The following ZNF407 variants were observed in gnomAD, a reference collection of about 807,000 sequenced individuals.
The protein encoded by ZNF407 is zinc finger protein 407.
ZNF407 carries 17 observed loss-of-function variants against 131.2 expected under a neutral mutation model. The ratio of observed to expected loss-of-function variants is 0.13; its 90% CI spans 0.09 to 0.19. The LOEUF is 0.19. Ranked by LOEUF, ZNF407 falls within the 10% of genes least tolerant of loss-of-function variation. ZNF407 has a pLI of 1.00. For missense variants in ZNF407, 2,681 were observed against 2,830.6 expected (o/e 0.95, Z 1.20); for synonymous variants, 1,156 against 1,062.0 (o/e 1.09, Z -1.72).
At chr18:75,031,641 C>T (rs1452538054) in intron 8 of ZNF407, among the ~76,000 whole-genome samples, 4 of 152,160 alleles carry the variant, frequency 2.6e-5, no homozygotes, top group East Asian at 3.9e-4. Flanking sequence ...TATCAAGAAA[C>T]GAGTATTTAT....
Position 74,680,821 on chromosome 18 carries a change from C to T in ZNF407, c.4802+39699C>T, listed in dbSNP as rs147591025. On this transcript the variant is annotated intron_variant, in intron 3 of 8. Transcript: ENST00000299687. ...TTGAAATTTAATAATCTTAAATATACGAAAGTAAAAATATTAGTTTATACT... is the reference window on the plus strand; with the variant it reads ...TTGAAATTTAATAATCTTAAATATATGAAAGTAAAAATATTAGTTTATACT... Among the ~76,000 whole-genome samples the T allele has an allele frequency of 2.5e-3, 378 of 151,998 alleles. 19 individuals carry two copies. In the East Asian group the frequency reaches 0.066, roughly 27 times the overall value.
In ZNF407 at chr18:74,735,236, T is replaced by A. The variant is rs1285923656; in HGVS notation, c.4803-46192T>A. 2.0e-5 allele frequency among the ~76,000 whole-genome samples: 3 copies of A among 152,216 alleles called. No individual in the cohort carries two copies. In the East Asian group the frequency reaches 5.8e-4, roughly 29 times the overall value. On this transcript the variant is annotated intron_variant, in intron 3 of 8. Transcript: ENST00000299687. ...ATGCCCTTCTTTTAAATGCTAAGGT[T>A]TTATGCTGTGTGATATTTGTAGAAT...
chr18:74,916,498 GTGCA>G (rs1971766820), intron 7 of ZNF407, among the ~76,000 whole-genome samples: 2 of 128,522 alleles, frequency 1.6e-5, no homozygotes, highest in Non-Finnish European at 3.2e-5. Context: ...GTGTGTGTGC[GTGCA>G]TGTGTGTGCT....
At chr18:74,804,364 T>C in intron 4 of ZNF407, 1 of 1,041,754 alleles carries the variant, frequency 9.6e-7, no homozygotes, top group African/African-American at 1.7e-5. Flanking sequence ...AATCAAAGTT[T>C]TTGTAAGCAT....
At chr18:74,943,335 A>C (rs993386906) in intron 8 of ZNF407, among the ~76,000 whole-genome samples, 13 of 152,214 alleles carry the variant, frequency 8.5e-5, no homozygotes, top group South Asian at 2.1e-4. Context: ...AGCACATTGC[A>C]GTTCTCTTTC....
chr18:74,854,714 CACAG>C (rs766734354), intron 4 of ZNF407, among the ~76,000 whole-genome samples: 4 of 152,018 alleles, frequency 2.6e-5, no homozygotes, highest in Non-Finnish European at 5.9e-5. Context: ...CAATGCACTA[CACAG>C]ACACACACAC....
At chr18:75,020,152 T>C (rs1178317566) in intron 8 of ZNF407, among the ~76,000 whole-genome samples, 1 of 152,188 alleles carries the variant, frequency 6.6e-6, no homozygotes, top group Non-Finnish European at 1.5e-5. Flanking sequence ...GTAATAATTG[T>C]TCTATTTTAT....
intron 4 of ZNF407, among the ~76,000 whole-genome samples, chr18:74,810,708 C>G: frequency 6.6e-6 from 1 of 152,112 alleles, no homozygotes; most frequent in Non-Finnish European, 1.5e-5. Context: ...ATATCTACAA[C>G]TATCTGATCT....
rs532367810 is a variant in ZNF407, at chr18:74,844,173, T to TC, written c.4878-33021dup. Among the ~76,000 whole-genome samples, 4 of 152,218 alleles carry TC rather than the reference T, an allele frequency of 2.6e-5. No homozygotes were observed. In the South Asian group the frequency reaches 6.3e-4, roughly 24 times the overall value. On this transcript the variant is annotated intron_variant, in intron 4 of 8. Transcript: ENST00000299687. ...TTGCTGACACCATCCTGAGTCTTTT[T>TC]CCCTCCTTGGCTGAGCCGTGCTTTT...
intron 8 of ZNF407, among the ~76,000 whole-genome samples, chr18:74,933,038 T>G (rs1215744271): frequency 6.6e-6 from 1 of 152,202 alleles, no homozygotes; most frequent in Admixed American, 6.5e-5. Flanking sequence ...AGTTCCACTT[T>G]GGGATAGATA....
chr18:74,645,502 T>G (rs1469444125), intron 3 of ZNF407, among the ~76,000 whole-genome samples: 1 of 152,136 alleles, frequency 6.6e-6, no homozygotes, highest in Non-Finnish European at 1.5e-5. Context: ...AAGGGCATTT[T>G]CTAAATCTGT....
chr18:74,765,845 A>G (rs1218403688), intron 3 of ZNF407, among the ~76,000 whole-genome samples: 2 of 151,406 alleles, frequency 1.3e-5, no homozygotes, highest in African/African-American at 4.9e-5. Context: ...GTCTTTCTTT[A>G]CCTGATGTGC....
chr18:74,768,323 G>A (rs1228658848), intron 3 of ZNF407, among the ~76,000 whole-genome samples: 3 of 152,158 alleles, frequency 2.0e-5, no homozygotes, highest in African/African-American at 4.8e-5. Context: ...ATTGGAAACA[G>A]GTGTTGGTTT....
intron 1 of ZNF407, among the ~76,000 whole-genome samples, chr18:74,627,808 C>G (rs1356143310): frequency 7.3e-6 from 1 of 137,676 alleles, no homozygotes; most frequent in Non-Finnish European, 1.6e-5. Flanking sequence ...CTCTCTTTCT[C>G]TCTTTCTGCC....
Position 75,048,152 on chromosome 18 carries a change from C to T in ZNF407, c.5429-14998C>T, listed in dbSNP as rs1395179251. Among the ~76,000 whole-genome samples the T allele has an allele frequency of 6.6e-6, 1 of 152,222 alleles. No individual in the cohort carries two copies. The highest frequency in any genetic ancestry group is 1.5e-5 in the Non-Finnish European group (1 of 68,036). On this transcript the variant is annotated intron_variant, in intron 8 of 8. Transcript: ENST00000299687. This position sits in a 1 kb window ranked among gnomAD's most constrained non-coding sequence, Gnocchi z 4.1. ...GATCCTAATGCAGCTGAAGCTGACA[C>T]CTGTCAGCAGCACCAGGCCTGTGCC... is the stretch of plus-strand genomic sequence containing the variant.
At chr18:74,852,504 A>G (rs1275172913) in intron 4 of ZNF407, among the ~76,000 whole-genome samples, 4 of 152,054 alleles carry the variant, frequency 2.6e-5, no homozygotes, top group African/African-American at 9.7e-5. Context: ...ATTATTAAAT[A>G]TAGTAGCATT....
intron 3 of ZNF407, among the ~76,000 whole-genome samples, chr18:74,746,597 C>T (rs1044634471): frequency 6.6e-6 from 1 of 151,778 alleles, no homozygotes; most frequent in African/African-American, 2.4e-5. Flanking sequence ...AAAACTGTGA[C>T]ACAAACACAT....
chr18:74,729,978 T>C (rs1968256627), intron 3 of ZNF407, among the ~76,000 whole-genome samples: 3 of 152,174 alleles, frequency 2.0e-5, no homozygotes, highest in African/African-American at 7.2e-5. Flanking sequence ...ACTTTTTAGA[T>C]AGTTAATTGT....
intron 8 of ZNF407, among the ~76,000 whole-genome samples, chr18:74,925,100 T>G (rs1002304590): frequency 6.6e-6 from 1 of 152,208 alleles, no homozygotes; most frequent in Non-Finnish European, 1.5e-5. Flanking sequence ...TGTAATGATA[T>G]GGTATTTTTC....
Sources: allele counts gnomAD v4.1 joint callset (sites outside exome capture counted in the v4.1 genomes callset), GRCh38; gene constraint gnomAD v4.1.1; non-coding constraint Gnocchi (gnomAD v3.1); transcripts MANE v1.5; gene names NCBI Gene and HGNC (gene_info 2026-07-23, HGNC 2026-07-21).